Variants in SCN2A observed in about 807,000 individuals in gnomAD.
The protein encoded by SCN2A is sodium voltage-gated channel alpha subunit 2, also known as sodium channel protein type 2 subunit alpha.
A neutral mutation model predicts 188.7 loss-of-function variants in SCN2A; 20 were observed. The ratio of observed to expected loss-of-function variants is 0.11; its 90% CI spans 0.07 to 0.15. The LOEUF (loss-of-function observed/expected upper bound fraction) is 0.15, where lower values mean the gene tolerates loss of function less well. Among genes scored for constraint, SCN2A ranks in the 10% least tolerant of loss-of-function variants. SCN2A has a pLI of 1.00. For missense variants in SCN2A, 1,278 were observed against 2,445.0 expected (o/e 0.52, Z 10.07); for synonymous variants, 804 against 833.1 (o/e 0.97, Z 0.60).
At chr2:165,359,903 T>C (rs1471498678) in intron 17 of SCN2A, among the ~76,000 whole-genome samples, 1 of 151,986 alleles carries the variant, frequency 6.6e-6, no homozygotes, top group African/African-American at 2.4e-5. Context: ...TCCTATTATT[T>C]GTGGTTTTAA....
chr2:165,331,588 T>G lies in SCN2A; in HGVS notation c.2388+20T>G. On this transcript the variant is annotated intron_variant, in intron 14 of 26. Coordinates refer to ENST00000375437, the MANE Select transcript of SCN2A (RefSeq NM_001040142.2). ...AACCTGGTAAGCCTCACTGAGAGTTTCTCTTCCTCTTGAAAGAGTTTATAA... is the reference window on the plus strand; with the variant it reads ...AACCTGGTAAGCCTCACTGAGAGTTGCTCTTCCTCTTGAAAGAGTTTATAA... 6.4e-7 allele frequency: 1 copy of G among 1,565,556 alleles called. No homozygotes were observed. Among genetic ancestry groups the G allele is most frequent in the Non-Finnish European group, 8.8e-7 (1 of 1,136,228 alleles).
chr2:165,332,287 A>G (rs751047619), intron 14 of SCN2A, among the ~76,000 whole-genome samples: 1 of 152,058 alleles, frequency 6.6e-6, no homozygotes, highest in African/African-American at 2.4e-5. Flanking sequence ...AATACGGTCT[A>G]AAGTATAATA....
chr2:165,385,560 A>C (rs1321313308), intron 25 of SCN2A, among the ~76,000 whole-genome samples: 1 of 152,192 alleles, frequency 6.6e-6, no homozygotes, highest in Non-Finnish European at 1.5e-5. Flanking sequence ...ACTCTAATGA[A>C]TCTATACACA....
chr2:165,309,823 T>C (rs1475146409), intron 6 of SCN2A, among the ~76,000 whole-genome samples: 2 of 152,166 alleles, frequency 1.3e-5, no homozygotes, highest in African/African-American at 4.8e-5. Context: ...GAGCAAGGGA[T>C]AGCATGAGTG....
At chr2:165,308,607 A>G in intron 4 of SCN2A, 59 bp from the exon 5 acceptor site, 2 of 1,576,674 alleles carry the variant, frequency 1.3e-6, no homozygotes, top group South Asian at 2.2e-5. Context: ...CATCTTTAAG[A>G]TATGTACTTG....
chr2:165,340,909 A>C (rs1471017789), intron 14 of SCN2A, among the ~76,000 whole-genome samples: 1 of 152,166 alleles, frequency 6.6e-6, no homozygotes, highest in East Asian at 1.9e-4. Context: ...TTGTTGGTGA[A>C]GTTTGTTAAA....
chr2:165,350,460 C>CTTTTTT lies in SCN2A; in HGVS notation c.2920-3729_2920-3728insTTTTTT, dbSNP rs796595702. ...CTGAGTGAGCTTGCTGAACTGTTTT[C>CTTTTTT]TTTCTTTTTTTTTTTTTTTTTTTTT... On this transcript the variant is annotated intron_variant, in intron 16 of 26. Coordinates refer to ENST00000375437, the MANE Select transcript of SCN2A (RefSeq NM_001040142.2). Among the ~76,000 whole-genome samples the CTTTTTT allele has an allele frequency of 5.3e-4, 41 of 77,916 alleles. 3 individuals carry two copies. The highest frequency in any genetic ancestry group is 9.6e-4 in the Admixed American group (6 of 6,244). The allele number at this position is 77,916 out of a possible 152,430, so 51.1% of individuals were successfully genotyped here. A position where few individuals can be genotyped will look rare whatever the true frequency, so the allele number is the denominator to read the frequency against.
intron 23 of SCN2A, 102 bp from the exon 24 acceptor site, chr2:165,380,490 A>G (rs1574730852): frequency 2.3e-6 from 2 of 863,042 alleles, no homozygotes; most frequent in East Asian, 2.5e-5. Flanking sequence ...GTTTATTTTC[A>G]TTCCAGAGAT....
At position 165,295,782 on chromosome 2, in the gene SCN2A, A is replaced by C. The variant is rs755901960; in HGVS notation, c.-42A>C. ...CTCCCTGTTTCTGTAGCACTTTCTT[A>C]TGCAAGGAGCTAAACAGTGATTAAA... On this transcript the variant is annotated 5_prime_UTR_variant, in exon 2 of 27. It removes an upstream start codon present in the reference 5' UTR. Coordinates refer to ENST00000375437, the MANE Select transcript of SCN2A (RefSeq NM_001040142.2). 2 of 1,613,552 alleles carry C rather than the reference A, an allele frequency of 1.2e-6. No homozygotes were observed. Among genetic ancestry groups the C allele is most frequent in the Non-Finnish European group, 1.7e-6 (2 of 1,179,952 alleles).
At chr2:165,309,104 G>A in intron 5 of SCN2A, 9 of 1,558,070 alleles carry the variant, frequency 5.8e-6, no homozygotes, top group Non-Finnish European at 8.0e-6. Flanking sequence ...AGGTCTTGAT[G>A]AAAGACCAAG....
intron 14 of SCN2A, among the ~76,000 whole-genome samples, chr2:165,340,427 G>A (rs1200004074): frequency 6.6e-6 from 1 of 152,168 alleles, no homozygotes; most frequent in East Asian, 1.9e-4. Context: ...TAGGTAGAGA[G>A]AGATTCCATT....
intron 10 of SCN2A, 59 bp downstream of exon 10, chr2:165,314,167 T>A: frequency 1.3e-6 from 2 of 1,545,708 alleles, no homozygotes; most frequent in African/African-American, 2.7e-5. Flanking sequence ...TTAACCTAAA[T>A]GTTGAGGTCA....
chr2:165,256,028 G>C (rs1694306759), intron 1 of SCN2A, among the ~76,000 whole-genome samples: 1 of 101,864 alleles, frequency 9.8e-6, no homozygotes, highest in African/African-American at 4.3e-5. Flanking sequence ...TTTGGTGATG[G>C]AGTCTCTCGC....
intron 1 of SCN2A, among the ~76,000 whole-genome samples, chr2:165,259,131 A>G (rs1694463939): frequency 6.6e-6 from 1 of 152,264 alleles, no homozygotes; most frequent in African/African-American, 2.4e-5. Flanking sequence ...TTTATTAAGT[A>G]TGTAATAGAA....
rs752540179 is a variant in SCN2A at position 165,295,775 on chromosome 2, C to G, written c.-49C>G. 3 of 1,613,240 alleles carry G rather than the reference C, an allele frequency of 1.9e-6. No homozygotes were observed. The highest frequency in any genetic ancestry group is 2.2e-5 in the South Asian group (2 of 90,856). On this transcript the variant is annotated splice_region_variant and 5_prime_UTR_variant, in exon 2 of 27. Transcript: ENST00000375437. Reference sequence around the variant, plus strand: ...TTTTTCCCTCCCTGTTTCTGTAGCACTTTCTTATGCAAGGAGCTAAACAGT... The same window carrying G: ...TTTTTCCCTCCCTGTTTCTGTAGCAGTTTCTTATGCAAGGAGCTAAACAGT...
intron 1 of SCN2A, among the ~76,000 whole-genome samples, chr2:165,248,199 A>T (rs977242443): frequency 6.6e-6 from 1 of 152,152 alleles, no homozygotes; most frequent in Non-Finnish European, 1.5e-5. Context: ...GCAAGACAGA[A>T]GTAAGATTAC....
chr2:165,282,605 C>T (rs1695630369), intron 1 of SCN2A, among the ~76,000 whole-genome samples: 1 of 151,994 alleles, frequency 6.6e-6, no homozygotes, highest in Non-Finnish European at 1.5e-5. Flanking sequence ...TTTTTAGAGA[C>T]AGGTCTTGCT....
rs905248511 is a variant in SCN2A, at chr2:165,327,063, A to G, written c.2149+79A>G. 55 of 1,512,594 alleles carry G rather than the reference A, an allele frequency of 3.6e-5. No individual in the cohort carries two copies. In the African/African-American group the frequency reaches 7.3e-4, roughly 20 times the overall value. 93.7% of individuals were successfully genotyped at this position (1,512,594 alleles called of 1,614,324 possible). On this transcript the variant is annotated intron_variant, in intron 13 of 26. Transcript: ENST00000375437. ...AACACTTCATAAATTTCAATAAAATACTTCCTGACTTGATATTGTATCATT... is the reference window on the plus strand; with the variant it reads ...AACACTTCATAAATTTCAATAAAATGCTTCCTGACTTGATATTGTATCATT...
chr2:165,260,970 C>A (rs1379757435), intron 1 of SCN2A, among the ~76,000 whole-genome samples: 716 of 89,876 alleles, frequency 8.0e-3, no homozygotes, highest in East Asian at 1.0e-2. Flanking sequence ...AACTCCGTCT[C>A]AAAAAAAAAA....
Sources: gnomAD v4.1 joint callset for allele counts (sites outside exome capture counted in the v4.1 genomes callset) on GRCh38, gnomAD v4.1.1 for gene constraint, MANE v1.5 for transcripts, NCBI Gene and HGNC (gene_info 2026-07-23, HGNC 2026-07-21) for gene names.